Variants in TMEM135 observed in about 807,000 individuals in gnomAD.
The protein encoded by TMEM135 is peroxisomal membrane protein 52.
TMEM135 carries 30 observed loss-of-function variants against 60.3 expected under a neutral mutation model. The observed-to-expected ratio is 0.50, with a 90% CI of 0.37 to 0.68. The LOEUF (loss-of-function observed/expected upper bound fraction) is 0.68. Ranked by LOEUF, TMEM135 falls within the 30% of genes least tolerant of loss-of-function variation. The pLI is 0.00. For synonymous variants in TMEM135, 190 were observed against 186.7 expected (o/e 1.02, Z -0.14); for missense variants, 468 against 548.8 (o/e 0.85, Z 1.47).
intron 4 of TMEM135, among the ~76,000 whole-genome samples, chr11:87,110,179 T>C (rs946432305): frequency 1.1e-4 from 17 of 152,216 alleles, no homozygotes; most frequent in African/African-American, 3.9e-4. Flanking sequence ...CAGTTCTCCG[T>C]GGTATTATTT....
At chr11:87,142,514 A>G (rs980536319) in intron 4 of TMEM135, among the ~76,000 whole-genome samples, 7 of 152,188 alleles carry the variant, frequency 4.6e-5, no homozygotes, top group Admixed American at 1.3e-4. Flanking sequence ...TCCGGCATCT[A>G]CTATTTGTGT....
At chr11:87,188,478 G>C (rs1939706747) in intron 5 of TMEM135, among the ~76,000 whole-genome samples, 1 of 151,974 alleles carries the variant, frequency 6.6e-6, no homozygotes, top group African/African-American at 2.4e-5. Context: ...GAGGTGGGTG[G>C]ATCACCTGAG....
chr11:87,109,243 A>G (rs1003068878), intron 4 of TMEM135, among the ~76,000 whole-genome samples: 11 of 152,218 alleles, frequency 7.2e-5, no homozygotes, highest in Admixed American at 5.9e-4. Flanking sequence ...TACGTGTTCA[A>G]AGACCTCCAG....
chr11:87,148,893 G>A (rs946234277), intron 4 of TMEM135, among the ~76,000 whole-genome samples: 9 of 151,966 alleles, frequency 5.9e-5, no homozygotes, highest in Non-Finnish European at 1.2e-4. Context: ...ATCCTTCTGC[G>A]CATTATTGGC....
intron 6 of TMEM135, among the ~76,000 whole-genome samples, chr11:87,249,416 C>A (rs186435919): frequency 5.1e-4 from 78 of 151,932 alleles, no homozygotes; most frequent in Middle Eastern, 6.8e-3. Context: ...TTCAAAAAAA[C>A]CAACTTTTTG....
At chr11:87,082,601 GAA>G (rs751544062) in intron 3 of TMEM135, among the ~76,000 whole-genome samples, 142 of 152,246 alleles carry the variant, frequency 9.3e-4, no homozygotes, top group Admixed American at 4.9e-3. Flanking sequence ...AATAAAAATG[GAA>G]AGTTTTCCTC....
At chr11:87,131,810 G>A (rs1253736139) in intron 4 of TMEM135, among the ~76,000 whole-genome samples, 3 of 152,168 alleles carry the variant, frequency 2.0e-5, no homozygotes, top group South Asian at 2.1e-4. Context: ...ACAACAGGAG[G>A]TGAATGGCAG....
chr11:87,042,922 A>C (rs1949762362), intron 1 of TMEM135, among the ~76,000 whole-genome samples: 1 of 150,924 alleles, frequency 6.6e-6, no homozygotes, highest in Non-Finnish European at 1.5e-5. Context: ...AAAGAATATC[A>C]GCTCTCACTC....
At chr11:87,197,660 A>T (rs1403633244) in intron 5 of TMEM135, among the ~76,000 whole-genome samples, 3 of 151,976 alleles carry the variant, frequency 2.0e-5, no homozygotes, top group African/African-American at 7.2e-5. Flanking sequence ...CTTAGCAAAA[A>T]AAAAATGTCA....
intron 6 of TMEM135, among the ~76,000 whole-genome samples, chr11:87,246,238 C>T (rs1369637208): frequency 3.9e-4 from 59 of 149,616 alleles, no homozygotes; most frequent in Admixed American, 3.9e-3. Context: ...GTCCAATGGG[C>T]TTCCCTTTGT....
At chr11:87,046,124 G>T (rs556374675) in intron 1 of TMEM135, among the ~76,000 whole-genome samples, 2 of 152,202 alleles carry the variant, frequency 1.3e-5, no homozygotes, top group Admixed American at 6.5e-5. Flanking sequence ...GTGTAACTCA[G>T]GCCGGGCATG....
At chr11:87,126,286 T>C (rs1186311226) in intron 4 of TMEM135, among the ~76,000 whole-genome samples, 2 of 152,186 alleles carry the variant, frequency 1.3e-5, no homozygotes, top group African/African-American at 4.8e-5. Flanking sequence ...TGTGGCTGTC[T>C]CTTTAGAAGT....
chr11:87,245,613 C>T, intron 6 of TMEM135, among the ~76,000 whole-genome samples: 1 of 138,926 alleles, frequency 7.2e-6, no homozygotes, highest in Non-Finnish European at 1.6e-5. Flanking sequence ...TAATGGCCTT[C>T]TTTGTCTCTT....
chr11:87,123,345 C>T (rs985643760), intron 4 of TMEM135, among the ~76,000 whole-genome samples: 1 of 152,082 alleles, frequency 6.6e-6, no homozygotes, highest in African/African-American at 2.4e-5. Flanking sequence ...CTTGGTGTTC[C>T]TTGGTTTATA....
chr11:87,198,621 T>A (rs1026333775), intron 5 of TMEM135, among the ~76,000 whole-genome samples: 8 of 141,040 alleles, frequency 5.7e-5, no homozygotes, highest in African/African-American at 2.1e-4. Flanking sequence ...TTCCATCTCC[T>A]CTTTCTCTCC....
intron 4 of TMEM135, among the ~76,000 whole-genome samples, chr11:87,139,434 C>T (rs527585377): frequency 1.9e-3 from 292 of 152,184 alleles, no homozygotes; most frequent in Non-Finnish European, 3.5e-3. Flanking sequence ...CCCCTCTTTC[C>T]CCTTTGCGGT....
chr11:87,119,885 T>TA (rs1230664977), intron 4 of TMEM135, among the ~76,000 whole-genome samples: 2,644 of 149,060 alleles, frequency 0.018, 57 homozygotes, highest in African/African-American at 0.058. Flanking sequence ...TTTACTTTTT[T>TA]AAAAAAAAAA....
intron 4 of TMEM135, among the ~76,000 whole-genome samples, chr11:87,146,582 G>A (rs1385678394): frequency 2.6e-5 from 4 of 152,074 alleles, no homozygotes; most frequent in African/African-American, 4.8e-5. Flanking sequence ...TATGATTAGC[G>A]TTCCTTTGTT....
chr11:87,095,140 C>T (rs1166108926), intron 4 of TMEM135: 1 of 181,982 alleles, frequency 5.5e-6, no homozygotes, highest in East Asian at 1.3e-4. Context: ...TAACTGAGTA[C>T]ATCCACATCC....
Sources: gnomAD v4.1 joint callset for allele counts (sites outside exome capture counted in the v4.1 genomes callset) on GRCh38, gnomAD v4.1.1 for gene constraint, MANE v1.5 for transcripts, NCBI Gene and HGNC (gene_info 2026-07-23, HGNC 2026-07-21) for gene names.